CCL5: variants seen among roughly 807,000 people sequenced by gnomAD.
CCL5 encodes the protein C-C motif chemokine 5.
A neutral mutation model predicts 9.0 loss-of-function variants in CCL5; 5 were observed. The ratio of observed to expected loss-of-function variants is 0.55; its 90% CI spans 0.29 to 1.16. The LOEUF is 1.16. CCL5 is among the 50% of genes most tolerant of loss of function. The pLI is 0.08. For missense variants in CCL5, 183 were observed against 183.2 expected, an observed-to-expected ratio of 1.00 and a Z score of 0.01; for synonymous variants, 66 against 72.0, an observed-to-expected ratio of 0.92 and a Z score of 0.42.
rs971935803 is a variant in CCL5 at position 35,871,511 on chromosome 17, T to A, written c.*759A>T. The stretch of plus-strand genomic sequence containing the variant: ...TCAGCTTTATGGTTGCATTGAGAAC[T>A]TTAATGGTAAGCCGATTTTTCATGT... On this transcript the variant is annotated 3_prime_UTR_variant, in exon 4 of 4. Transcript: ENST00000651122. 2.0e-5 allele frequency: 3 copies of A among 152,284 alleles called. No homozygotes were observed. The highest frequency in any genetic ancestry group is 7.2e-5 in the African/African-American group (3 of 41,440). 9.4% of individuals were successfully genotyped at this position (152,284 alleles called of 1,614,324 possible).
intron 3 of CCL5, among the ~76,000 whole-genome samples, chr17:35,872,989 A>C (rs1161284586): frequency 6.6e-6 from 1 of 151,216 alleles, no homozygotes; most frequent in Non-Finnish European, 1.5e-5. Flanking sequence ...TCCCGGGTTC[A>C]AGCGGTTCTC....
At chr17:35,879,584 G>A (rs935022222) in intron 1 of CCL5, among the ~76,000 whole-genome samples, 12 of 143,878 alleles carry the variant, frequency 8.3e-5, no homozygotes, top group East Asian at 2.0e-4. Flanking sequence ...GCAGTAAGCC[G>A]AGATCGTGCC....
At chr17:35,879,480 A>G (rs1207272060) in intron 1 of CCL5, among the ~76,000 whole-genome samples, 1 of 152,058 alleles carries the variant, frequency 6.6e-6, no homozygotes, top group Non-Finnish European at 1.5e-5. Flanking sequence ...TAAAAAATAC[A>G]AAACATTAGC....
At chr17:35,879,668 A>C (rs2088490384) in intron 1 of CCL5, among the ~76,000 whole-genome samples, 1 of 151,518 alleles carries the variant, frequency 6.6e-6, no homozygotes, top group African/African-American at 2.4e-5. Context: ...AAGATGTGCC[A>C]AAATCAGCAC....
chr17:35,878,777 G>C (rs535413213), intron 1 of CCL5, 138 bp from the exon 2 acceptor site: 1 of 615,550 alleles, frequency 1.6e-6, no homozygotes, highest in African/African-American at 1.9e-5. Flanking sequence ...GAGAGGTAAA[G>C]TCACTTGGCC....
intron 3 of CCL5, among the ~76,000 whole-genome samples, chr17:35,873,527 C>T (rs556985039): frequency 2.0e-5 from 3 of 152,298 alleles, no homozygotes; most frequent in Non-Finnish European, 4.4e-5. Context: ...CTTTAGACAA[C>T]GCAGTGCCTG....
At chr17:35,874,010 G>A (rs1204661986) in intron 3 of CCL5, among the ~76,000 whole-genome samples, 3 of 152,196 alleles carry the variant, frequency 2.0e-5, no homozygotes, top group African/African-American at 7.2e-5. Flanking sequence ...ATGAGGGTCA[G>A]TCCAGCTGCC....
intron 2 of CCL5, among the ~76,000 whole-genome samples, chr17:35,876,822 C>G (rs2088446941): frequency 6.6e-6 from 1 of 152,182 alleles, no homozygotes; most frequent in African/African-American, 2.4e-5. Flanking sequence ...CTGATATATC[C>G]CATTCCCTAG....
rs58404351 is a variant in CCL5 at position 35,871,808 on chromosome 17, C to T, written c.*462G>A. On this transcript the variant is annotated 3_prime_UTR_variant, in exon 4 of 4. Transcript: ENST00000651122. Reference sequence around the variant, plus strand: ...CCAGGCTGGAGTGAAGTGGCACAATCTCAGCTCACTGCAGCCTCCACCTCC... The same window carrying T: ...CCAGGCTGGAGTGAAGTGGCACAATTTCAGCTCACTGCAGCCTCCACCTCC... 6.6e-6 allele frequency: 1 copy of T among 152,364 alleles called. No homozygotes were observed. The highest frequency in any genetic ancestry group is 1.5e-5 in the Non-Finnish European group (1 of 68,202). 9.4% of individuals were successfully genotyped at this position (152,364 alleles called of 1,614,324 possible).
intron 1 of CCL5, 42 bp from the exon 2 acceptor site, chr17:35,878,681 C>T (rs41464445): frequency 3.6e-6 from 4 of 1,111,288 alleles, no homozygotes; most frequent in Non-Finnish European, 5.4e-6. Context: ...TTATTCATTG[C>T]TACTGCACAC....
At chr17:35,874,415 C>T (rs1002285422) in intron 3 of CCL5, among the ~76,000 whole-genome samples, 1 of 152,042 alleles carries the variant, frequency 6.6e-6, no homozygotes, top group Non-Finnish European at 1.5e-5. Flanking sequence ...CCCACCTTAG[C>T]CTCCTGAGTA....
In CCL5 at chr17:35,878,741, T is replaced by C. The variant is rs41382248; in HGVS notation, c.77-102A>G. The stretch of plus-strand genomic sequence containing the variant: ...ATGATTTATTTAGAAAGAACTGTTA[T>C]CTTCCTTGACAGAAACTGAGGCTCA... On this transcript the variant is annotated intron_variant, in intron 1 of 3. Transcript: ENST00000651122. 1,423 of 710,138 alleles carry C rather than the reference T, an allele frequency of 2.0e-3. 23 individuals are homozygous for C. The African/African-American group carries it at 0.022, about 11-fold the overall frequency. 44.0% of individuals were successfully genotyped at this position (710,138 alleles called of 1,614,324 possible).
chr17:35,878,511 A>G lies in CCL5; in HGVS notation c.188+17T>C. 2 of 1,577,114 alleles carry G rather than the reference A, an allele frequency of 1.3e-6. No individual in the cohort carries two copies. The highest frequency in any genetic ancestry group is 8.7e-7 in the Non-Finnish European group (1 of 1,146,686). On this transcript the variant is annotated intron_variant, in intron 2 of 3. Coordinates refer to ENST00000651122, the MANE Select transcript of CCL5 (RefSeq NM_001278736.2). ...AGGGAACAGGCTCTGGGAGGGCTCCATGGGGCTGAGACTCACACGACTGCT... is the reference window on the plus strand; with the variant it reads ...AGGGAACAGGCTCTGGGAGGGCTCCGTGGGGCTGAGACTCACACGACTGCT...
Position 35,879,635 on chromosome 17 carries a change from CAA to C in CCL5, c.76+593_76+594del, listed in dbSNP as rs35764706. On this transcript the variant is annotated intron_variant, in intron 1 of 3. Transcript: ENST00000651122. Reference sequence around the variant, plus strand: ...GGGCGACAGAGCGAAGACTCCATCTCAAAAAAAAAAAAAAAAAAAAAAAAGAT... The same window carrying C: ...GGGCGACAGAGCGAAGACTCCATCTCAAAAAAAAAAAAAAAAAAAAAAGAT... Among the ~76,000 whole-genome samples, 176 of 48,622 alleles carry C rather than the reference CAA, an allele frequency of 3.6e-3. 1 individual carries two copies. The highest frequency in any genetic ancestry group is 9.5e-3 in the African/African-American group (131 of 13,862). The allele number at this position is 48,622 out of a possible 152,430, so 31.9% of individuals were successfully genotyped here. A position where few individuals can be genotyped will look rare whatever the true frequency, so the allele number is the denominator to read the frequency against.
intron 3 of CCL5, among the ~76,000 whole-genome samples, chr17:35,873,380 A>G (rs1398869825): frequency 2.7e-5 from 4 of 145,846 alleles, no homozygotes; most frequent in South Asian, 2.2e-4. Flanking sequence ...GTAGAGACAG[A>G]GTTTCACTGT....
At chr17:35,878,744 T>C in intron 1 of CCL5, 105 bp from the exon 2 acceptor site, 1 of 692,596 alleles carries the variant, frequency 1.4e-6, no homozygotes, top group South Asian at 1.9e-5. Flanking sequence ...ACTGTTATCT[T>C]CCTTGACAGA....
chr17:35,872,227 G>C lies in CCL5; in HGVS notation c.*43C>G, dbSNP rs775374492. 5 of 1,395,222 alleles carry C rather than the reference G, an allele frequency of 3.6e-6. No individual in the cohort carries two copies. In the African/African-American group the frequency reaches 5.8e-5, roughly 16 times the overall value. 86.4% of individuals were successfully genotyped at this position (1,395,222 alleles called of 1,614,324 possible). A position where few individuals can be genotyped will look rare whatever the true frequency, so the allele number is the denominator to read the frequency against. Reference sequence around the variant, plus strand: ...CGTGAGCCACCACGTCCAGCCTGGGGAAGGTTTTTGTAACTGCTGCTGTGT... The same window carrying C: ...CGTGAGCCACCACGTCCAGCCTGGGCAAGGTTTTTGTAACTGCTGCTGTGT... On this transcript the variant is annotated 3_prime_UTR_variant, in exon 4 of 4. Transcript: ENST00000651122.
Position 35,875,608 on chromosome 17 carries a change from G to C in CCL5, c.223C>G (p.Gln75Glu). Residue 75 changes from glutamine (Q) to glutamate (E), a missense_variant, in exon 3 of 4, where the codon CAA becomes GAA. Gln to Glu is a conservative substitution (Grantham distance 29, BLOSUM62 2). Coordinates refer to ENST00000651122, the MANE Select transcript of CCL5 (RefSeq NM_001278736.2). The stretch of plus-strand genomic sequence containing the variant: ...TCATACAGGAAATCCTGCCAGACTT[G>C]CTGTCCCTCTCTCTTTGGCATCCTT... 5 of 985,412 alleles carry C rather than the reference G, an allele frequency of 5.1e-6. No homozygotes were observed. Among genetic ancestry groups the C allele is most frequent in the Non-Finnish European group, 3.6e-6 (3 of 829,930 alleles). 61.0% of individuals were successfully genotyped at this position (985,412 alleles called of 1,614,324 possible).
chr17:35,874,385 T>C (rs2088415205), intron 3 of CCL5, among the ~76,000 whole-genome samples: 1 of 152,102 alleles, frequency 6.6e-6, no homozygotes, highest in South Asian at 2.1e-4. Flanking sequence ...AGCCTCAACC[T>C]CCTGGGCTCA....
Sources: allele counts gnomAD v4.1 joint callset (sites outside exome capture counted in the v4.1 genomes callset), GRCh38; gene constraint gnomAD v4.1.1; transcripts MANE v1.5; gene names NCBI Gene and HGNC (gene_info 2026-07-23, HGNC 2026-07-21).